The following KIAA1217 variants were observed in gnomAD, a reference collection of about 807,000 sequenced individuals.
The protein encoded by KIAA1217 is sickle tail protein homolog.
Under a neutral mutation model 163.9 loss-of-function variants are expected in KIAA1217, and 88 were observed. The ratio of observed to expected loss-of-function variants is 0.54; its 90% CI spans 0.45 to 0.64. The LOEUF is 0.64. Ranked by LOEUF, KIAA1217 falls within the 30% of genes least tolerant of loss-of-function variation. The pLI, the probability that KIAA1217 is intolerant of heterozygous loss-of-function variation, is 0.00. For synonymous variants in KIAA1217, 903 were observed against 923.1 expected (o/e 0.98, Z 0.39); for missense variants, 2,372 against 2,475.0 (o/e 0.96, Z 0.88).
chr10:24,511,075 G>C (rs932102351), intron 9 of KIAA1217, among the ~76,000 whole-genome samples: 1 of 150,400 alleles, frequency 6.6e-6, no homozygotes, highest in Non-Finnish European at 1.5e-5. Flanking sequence ...CTGGCAAATA[G>C]GAGTCTGGCG....
chr10:24,172,335 C>A lies in KIAA1217; in HGVS notation c.-170-47291C>A, dbSNP rs138036713. ...ATGCCAAGAGGATATCTTTCATGTC[C>A]AAATTCATAGAGACAAGATAGACTG... On this transcript the variant is annotated intron_variant, in intron 2 of 18. Transcript: ENST00000376462. 6.0e-3 allele frequency among the ~76,000 whole-genome samples: 908 copies of A among 152,214 alleles called. 3 individuals are homozygous for A. Among genetic ancestry groups the A allele is most frequent in the Middle Eastern group, 0.024 (7 of 294 alleles).
intron 1 of KIAA1217, among the ~76,000 whole-genome samples, chr10:23,737,283 C>G (rs1004944597): frequency 1.3e-5 from 2 of 152,184 alleles, no homozygotes; most frequent in African/African-American, 2.4e-5. Flanking sequence ...ACTGCCACCT[C>G]TGCCTCCCAG....
intron 1 of KIAA1217, among the ~76,000 whole-genome samples, chr10:23,832,081 C>A (rs1266363938): frequency 6.6e-6 from 1 of 152,080 alleles, no homozygotes; most frequent in Non-Finnish European, 1.5e-5. Context: ...AGTGTCAGAT[C>A]TCTCAGGTTG....
At chr10:24,145,792 G>A (rs536306690) in intron 2 of KIAA1217, among the ~76,000 whole-genome samples, 92 of 152,336 alleles carry the variant, frequency 6.0e-4, no homozygotes, top group African/African-American at 2.1e-3. Context: ...TCTGATGTTT[G>A]AGGGCAGGAA....
At chr10:24,264,765 TTCTCTCTCTCTCTC>T (rs55761615) in intron 2 of KIAA1217, among the ~76,000 whole-genome samples, 10 of 131,922 alleles carry the variant, frequency 7.6e-5, no homozygotes, top group South Asian at 5.3e-4. Flanking sequence ...CGGTCGGTCT[TTCTCTCTCTCTCTC>T]TCTCTCTCTC....
chr10:23,965,254 C>G (rs1049617344), intron 1 of KIAA1217, among the ~76,000 whole-genome samples: 2 of 152,204 alleles, frequency 1.3e-5, no homozygotes, highest in African/African-American at 4.8e-5. Flanking sequence ...ATGCTGCATC[C>G]GGAGGGCCTC....
At chr10:24,310,576 T>TC (rs1381183469) in intron 2 of KIAA1217, among the ~76,000 whole-genome samples, 1 of 152,096 alleles carries the variant, frequency 6.6e-6, no homozygotes, top group Non-Finnish European at 1.5e-5. Context: ...TACACACCAC[T>TC]CCCCCATCTC....
intron 4 of KIAA1217, among the ~76,000 whole-genome samples, chr10:24,433,684 T>C (rs2131830760): frequency 6.6e-6 from 1 of 152,276 alleles, no homozygotes; most frequent in Middle Eastern, 3.4e-3. Context: ...ATATTGGAAC[T>C]TTCCCAATTC....
chr10:24,523,810 A>G (rs1347667249), intron 12 of KIAA1217, among the ~76,000 whole-genome samples: 1 of 152,164 alleles, frequency 6.6e-6, no homozygotes, highest in Non-Finnish European at 1.5e-5. Flanking sequence ...TATAGCTTCA[A>G]ATGACTCCAA....
At chr10:23,837,875 C>T (rs1348194149) in intron 1 of KIAA1217, among the ~76,000 whole-genome samples, 3 of 152,082 alleles carry the variant, frequency 2.0e-5, no homozygotes, top group South Asian at 2.1e-4. Context: ...TTAACCACTT[C>T]GTCATACTGG....
At chr10:24,241,233 T>C (rs2073055757) in intron 2 of KIAA1217, among the ~76,000 whole-genome samples, 1 of 152,230 alleles carries the variant, frequency 6.6e-6, no homozygotes, top group Non-Finnish European at 1.5e-5. Context: ...AACTATCCTA[T>C]ACTGCCTGCA....
intron 1 of KIAA1217, among the ~76,000 whole-genome samples, chr10:23,878,767 A>G: frequency 6.6e-6 from 1 of 151,920 alleles, no homozygotes; most frequent in East Asian, 1.9e-4. Context: ...TTGGAGTAGG[A>G]CAGTCTTAGC....
intron 2 of KIAA1217, among the ~76,000 whole-genome samples, chr10:24,201,869 A>G (rs2067273778): frequency 6.6e-6 from 1 of 152,206 alleles, no homozygotes; most frequent in Non-Finnish European, 1.5e-5. Flanking sequence ...CAGGGGCTAC[A>G]GTGAGCCCTT....
intron 1 of KIAA1217, among the ~76,000 whole-genome samples, chr10:23,696,700 G>T (rs1836066800): frequency 6.6e-6 from 1 of 152,178 alleles, no homozygotes; most frequent in African/African-American, 2.4e-5. Context: ...ACAGGGAAGG[G>T]CAGGTGCTAC....
chr10:23,909,507 G>A (rs117750040), intron 1 of KIAA1217, among the ~76,000 whole-genome samples: 21,880 of 150,766 alleles, frequency 0.15, 2,099 homozygotes, highest in Middle Eastern at 0.26. Context: ...CATACCTTCC[G>A]AATCTAAAAC....
intron 2 of KIAA1217, among the ~76,000 whole-genome samples, chr10:24,144,738 A>G (rs1257527865): frequency 6.6e-6 from 1 of 152,208 alleles, no homozygotes; most frequent in African/African-American, 2.4e-5. Context: ...AAATATCTTT[A>G]GGACAATTTC....
At chr10:24,139,597 C>T (rs1325360022) in intron 2 of KIAA1217, among the ~76,000 whole-genome samples, 1 of 152,160 alleles carries the variant, frequency 6.6e-6, no homozygotes, top group Non-Finnish European at 1.5e-5. Flanking sequence ...GTCTAATATA[C>T]TGGGCCTTCC....
chr10:23,875,174 A>G (rs1564497503), intron 1 of KIAA1217, among the ~76,000 whole-genome samples: 2 of 150,852 alleles, frequency 1.3e-5, no homozygotes, highest in Middle Eastern at 3.4e-3. Flanking sequence ...ACCAGGCTCC[A>G]GTTTCAACAC....
intron 2 of KIAA1217, among the ~76,000 whole-genome samples, chr10:24,163,762 A>C (rs891374573): frequency 1.3e-5 from 2 of 152,192 alleles, no homozygotes; most frequent in Non-Finnish European, 2.9e-5. Context: ...TGGTGTTTGC[A>C]TGGGTGGCAA....
Sources: gnomAD v4.1 joint callset for allele counts (sites outside exome capture counted in the v4.1 genomes callset) on GRCh38, gnomAD v4.1.1 for gene constraint, MANE v1.5 for transcripts, NCBI Gene and HGNC (gene_info 2026-07-23, HGNC 2026-07-21) for gene names.